The following LHFPL3 variants were observed in gnomAD, a reference collection of about 807,000 sequenced individuals.
LHFPL3 encodes the protein LHFPL tetraspan subfamily member 3.
A neutral mutation model predicts 19.3 loss-of-function variants in LHFPL3; 5 were observed. The ratio of observed to expected loss-of-function variants is 0.26; its 90% confidence interval spans 0.14 to 0.54. The LOEUF is 0.54. LHFPL3 is among the 20% of genes least tolerant of loss of function. The pLI, the probability that LHFPL3 is intolerant of heterozygous loss-of-function variation, is 0.94. For missense variants in LHFPL3, 249 were observed against 307.4 expected (o/e 0.81, Z 1.42); for synonymous variants, 133 against 126.2 (o/e 1.05, Z -0.36).
At chr7:104,479,753 T>C (rs1213213052) in intron 1 of LHFPL3, among the ~76,000 whole-genome samples, 1 of 152,204 alleles carries the variant, frequency 6.6e-6, no homozygotes, top group African/African-American at 2.4e-5. Context: ...CCCTACACTG[T>C]CTGTGTCCAC....
chr7:104,737,006 A>C (rs4236573), intron 2 of LHFPL3, 95 bp downstream of exon 2: 573,271 of 967,706 alleles, frequency 0.59, 173,930 homozygotes, highest in East Asian at 0.88. Flanking sequence ...GCTTCCCCTG[A>C]GGTTCTAATT....
chr7:104,746,920 C>T (rs1393397971), intron 2 of LHFPL3, among the ~76,000 whole-genome samples: 1 of 152,178 alleles, frequency 6.6e-6, no homozygotes, highest in African/African-American at 2.4e-5. Context: ...TCCCTTTGTT[C>T]CTAATATCAC....
chr7:104,720,277 A>C (rs1172959958), intron 1 of LHFPL3, among the ~76,000 whole-genome samples: 1 of 152,240 alleles, frequency 6.6e-6, no homozygotes, highest in East Asian at 1.9e-4. Context: ...CCTGACAGAA[A>C]TGAGAAATGG....
chr7:104,412,224 C>A (rs1350735004), intron 1 of LHFPL3, among the ~76,000 whole-genome samples: 1 of 151,406 alleles, frequency 6.6e-6, no homozygotes, highest in Non-Finnish European at 1.5e-5. Flanking sequence ...GTTCTCACAG[C>A]AATCCCTTGA....
intron 1 of LHFPL3, among the ~76,000 whole-genome samples, chr7:104,433,348 C>T (rs1234271194): frequency 1.3e-5 from 2 of 152,128 alleles, no homozygotes; most frequent in African/African-American, 4.8e-5. Flanking sequence ...TTCACAAATG[C>T]CCTGAAGATC....
chr7:104,454,339 T>C (rs1353756838), intron 1 of LHFPL3, among the ~76,000 whole-genome samples: 5 of 152,172 alleles, frequency 3.3e-5, no homozygotes, highest in African/African-American at 1.2e-4. Context: ...CAAGGTCAAG[T>C]TGTAAACAAA....
chr7:104,649,961 G>A (rs1056005605), intron 1 of LHFPL3, among the ~76,000 whole-genome samples: 1 of 152,180 alleles, frequency 6.6e-6, no homozygotes, highest in African/African-American at 2.4e-5. Context: ...CTGCCTTTTT[G>A]ATAGATCCTC....
At chr7:104,361,327 T>G (rs766862416) in intron 1 of LHFPL3, among the ~76,000 whole-genome samples, 3 of 152,238 alleles carry the variant, frequency 2.0e-5, no homozygotes, top group Admixed American at 6.5e-5. Context: ...TATTTATAGA[T>G]TCCTATTGAT....
intron 2 of LHFPL3, among the ~76,000 whole-genome samples, chr7:104,897,498 ACT>A (rs773942507): frequency 3.3e-5 from 5 of 152,140 alleles, no homozygotes; most frequent in Non-Finnish European, 5.9e-5. Context: ...ATGATCCTGA[ACT>A]CTCTGCCTGC....
intron 1 of LHFPL3, among the ~76,000 whole-genome samples, chr7:104,441,378 G>T (rs1202325808): frequency 6.6e-6 from 1 of 151,988 alleles, no homozygotes; most frequent in Non-Finnish European, 1.5e-5. Flanking sequence ...TATCCTTCAG[G>T]TTCACTCATG....
At chr7:104,684,665 G>A (rs1161288784) in intron 1 of LHFPL3, among the ~76,000 whole-genome samples, 4 of 152,166 alleles carry the variant, frequency 2.6e-5, no homozygotes, top group African/African-American at 4.8e-5. Flanking sequence ...TGCCACTGAT[G>A]TGCTCTGGTA....
chr7:104,486,018 C>A (rs190633292), intron 1 of LHFPL3, among the ~76,000 whole-genome samples: 2 of 152,294 alleles, frequency 1.3e-5, no homozygotes, highest in East Asian at 1.9e-4. Context: ...TTTAGTCCAA[C>A]CTTATGAAGT....
chr7:104,886,254 G>A (rs531330390), intron 2 of LHFPL3, among the ~76,000 whole-genome samples: 1 of 152,340 alleles, frequency 6.6e-6, no homozygotes, highest in South Asian at 2.1e-4. Flanking sequence ...ATGACTGAAT[G>A]AGTGAATGGA....
intron 2 of LHFPL3, among the ~76,000 whole-genome samples, chr7:104,835,198 C>T (rs1791067379): frequency 2.0e-5 from 3 of 151,936 alleles, no homozygotes; most frequent in Non-Finnish European, 4.4e-5. Context: ...TACTGACTAC[C>T]TGATTGGTTT....
intron 1 of LHFPL3, among the ~76,000 whole-genome samples, chr7:104,508,771 G>A (rs1264996316): frequency 6.7e-6 from 1 of 150,230 alleles, no homozygotes; most frequent in African/African-American, 2.5e-5. Flanking sequence ...ATAAAGGTAA[G>A]AGCATAACTC....
At position 104,468,550 on chromosome 7, in the gene LHFPL3, A is replaced by G. The variant is rs1792838482; in HGVS notation, c.445+139326A>G. Among the ~76,000 whole-genome samples, 3 of 152,004 alleles carry G rather than the reference A, an allele frequency of 2.0e-5. No homozygotes were observed. In the South Asian group the frequency reaches 6.2e-4, roughly 32 times the overall value. Reference sequence around the variant, plus strand: ...TGTGCCCTTGCAAGTGGGAGCAGAGATGTGCAGATCTGCTCTCAGACTGAG... The same window carrying G: ...TGTGCCCTTGCAAGTGGGAGCAGAGGTGTGCAGATCTGCTCTCAGACTGAG... On this transcript the variant is annotated intron_variant, in intron 1 of 2. Coordinates refer to ENST00000424859, the MANE Select transcript of LHFPL3 (RefSeq NM_199000.3).
At chr7:104,443,434 C>A (rs982433086) in intron 1 of LHFPL3, among the ~76,000 whole-genome samples, 3 of 152,140 alleles carry the variant, frequency 2.0e-5, no homozygotes, top group African/African-American at 7.2e-5. Context: ...ACTTATCAAG[C>A]GCCACTAGAC....
intron 1 of LHFPL3, among the ~76,000 whole-genome samples, chr7:104,658,094 G>A (rs948960540): frequency 2.0e-5 from 3 of 152,176 alleles, no homozygotes; most frequent in African/African-American, 7.2e-5. Flanking sequence ...AAATTATGGA[G>A]AGCTTTCAAA....
intron 2 of LHFPL3, among the ~76,000 whole-genome samples, chr7:104,902,837 G>T (rs185620600): frequency 5.1e-4 from 77 of 152,234 alleles, no homozygotes; most frequent in African/African-American, 1.5e-3. Context: ...GAGGGATTTG[G>T]CCATATGAAG....
Sources: gnomAD v4.1 joint callset for allele counts (sites outside exome capture counted in the v4.1 genomes callset) on GRCh38, gnomAD v4.1.1 for gene constraint, MANE v1.5 for transcripts, NCBI Gene and HGNC (gene_info 2026-07-23, HGNC 2026-07-21) for gene names.